The following NUB1 variants were observed in gnomAD, a reference collection of about 807,000 sequenced individuals.
NUB1 encodes the protein NEDD8 ultimate buster 1.
Under a neutral mutation model 77.1 loss-of-function variants are expected in NUB1, and 41 were observed. That is an observed-to-expected ratio of 0.53 (90% CI 0.41 to 0.69). NUB1 has a LOEUF of 0.69. Ranked by LOEUF, NUB1 falls within the 30% of genes least tolerant of loss-of-function variation. The pLI, the probability that NUB1 is intolerant of heterozygous loss-of-function variation, is 0.00. For synonymous variants in NUB1, 257 were observed against 281.0 expected (o/e 0.91, Z 0.85); for missense variants, 643 against 743.8 (o/e 0.86, Z 1.58).
In NUB1 at chr7:151,341,987, T is replaced by TGGGCCG. The variant is rs574226063; in HGVS notation, c.-3+162_-3+167dup. ...GGGGGTGAGCAGCCATGCGTGGAGCTGGGCCGGGGCCGGGGCCGGGGCCGG... is the reference window on the plus strand; with the variant it reads ...GGGGGTGAGCAGCCATGCGTGGAGCTGGGCCGGGGCCGGGGCCGGGGCCGGGGCCGG... On this transcript the variant is annotated intron_variant, in intron 1 of 14. Transcript: ENST00000568733. The TGGGCCG allele has an allele frequency of 2.0e-3, 2,525 of 1,284,932 alleles. 19 individuals are homozygous for TGGGCCG. Among genetic ancestry groups the TGGGCCG allele is most frequent in the African/African-American group, 0.014 (909 of 63,922 alleles). 79.6% of individuals were successfully genotyped at this position (1,284,932 alleles called of 1,614,324 possible). A position where few individuals can be genotyped will look rare whatever the true frequency, so the allele number is the denominator to read the frequency against.
chr7:151,365,069 C>G (rs1037434507), intron 8 of NUB1, among the ~76,000 whole-genome samples: 2 of 151,284 alleles, frequency 1.3e-5, no homozygotes, highest in African/African-American at 4.9e-5. Flanking sequence ...AGTGATTTTC[C>G]TGCCTCGGCC....
chr7:151,368,652 T>C (rs1212713559), intron 10 of NUB1, 83 bp from the exon 11 acceptor site: 2 of 1,431,166 alleles, frequency 1.4e-6, no homozygotes, highest in Non-Finnish European at 1.9e-6. Context: ...TTGGATACAA[T>C]CTAATTTCTT....
chr7:151,370,855 A>G (rs1265731132), intron 11 of NUB1, among the ~76,000 whole-genome samples: 1 of 152,120 alleles, frequency 6.6e-6, no homozygotes, highest in Non-Finnish European at 1.5e-5. Flanking sequence ...TAGCATCTGG[A>G]AAGCTAGTGT....
intron 13 of NUB1, chr7:151,376,176 T>C: frequency 1.9e-6 from 1 of 519,742 alleles, no homozygotes; most frequent in Non-Finnish European, 3.5e-6. Flanking sequence ...TCTTTAGGTT[T>C]GCTGCCTTTG....
chr7:151,376,382 C>T (rs1466274976), intron 13 of NUB1: 16 of 521,466 alleles, frequency 3.1e-5, no homozygotes, highest in Non-Finnish European at 5.5e-5. Context: ...GGTGTGGCGC[C>T]CTGCTCTCAG....
chr7:151,377,035 A>G lies in NUB1; in HGVS notation c.1670-12A>G, dbSNP rs1798329338. 3 of 1,531,558 alleles carry G rather than the reference A, an allele frequency of 2.0e-6. No individual in the cohort carries two copies. Among genetic ancestry groups the G allele is most frequent in the Non-Finnish European group, 2.6e-6 (3 of 1,139,424 alleles). The allele number at this position is 1,531,558 out of a possible 1,614,324, so 94.9% of individuals were successfully genotyped here. ...CACATAATTCACTTACTCCTGCGGT[A>G]TTTTATTGTAGGAACCTCTAGTGCC... On this transcript the variant is annotated splice_polypyrimidine_tract_variant and intron_variant, in intron 14 of 14. Transcript: ENST00000568733.
At chr7:151,343,831 G>T (rs1221519965) in intron 1 of NUB1, among the ~76,000 whole-genome samples, 3 of 152,046 alleles carry the variant, frequency 2.0e-5, no homozygotes, top group Non-Finnish European at 4.4e-5. Flanking sequence ...CCTGAGTCAT[G>T]GTACAAACTC....
At chr7:151,346,242 C>T (rs76551060) in intron 2 of NUB1, among the ~76,000 whole-genome samples, 3,064 of 152,334 alleles carry the variant, frequency 0.02, 55 homozygotes, top group Non-Finnish European at 0.029. Flanking sequence ...AGGCAGGCCT[C>T]ACTTTTTCTT....
At chr7:151,363,006 C>T (rs112322555) in intron 8 of NUB1, among the ~76,000 whole-genome samples, 14 of 152,346 alleles carry the variant, frequency 9.2e-5, no homozygotes, top group African/African-American at 3.4e-4. Flanking sequence ...AAAAGCTACT[C>T]CTGAACAGTA....
intron 8 of NUB1, among the ~76,000 whole-genome samples, chr7:151,361,982 A>G (rs991581079): frequency 6.6e-6 from 1 of 151,970 alleles, no homozygotes; most frequent in African/African-American, 2.4e-5. Context: ...ATAAAAATAA[A>G]AATTAGTATA....
At chr7:151,359,451 A>AAC in intron 7 of NUB1, among the ~76,000 whole-genome samples, 1 of 150,004 alleles carries the variant, frequency 6.7e-6, no homozygotes, top group African/African-American at 2.5e-5. Context: ...TCAAAAAAAA[A>AAC]AAAAGAATAG....
chr7:151,367,264 A>G (rs1431192153), intron 9 of NUB1, 139 bp downstream of exon 9: 1 of 668,824 alleles, frequency 1.5e-6, no homozygotes, highest in South Asian at 2.1e-5. Context: ...TTTAAACTAT[A>G]TATTTATAAA....
In NUB1 at chr7:151,374,227, T is replaced by G; in HGVS notation, c.1379T>G (p.Leu460Trp). ...QQVLHAASGNLDEALKILLSN... is the reference protein window; with the variant it reads ...QQVLHAASGNWDEALKILLSN... Reference sequence around the variant, plus strand: ...GTACTCCACGCAGCCAGCGGGAACTTGGATGAGGCCCTGAAGGTAGCAGCT... The same window carrying G: ...GTACTCCACGCAGCCAGCGGGAACTGGGATGAGGCCCTGAAGGTAGCAGCT... Residue 460 changes from leucine to tryptophan, a missense_variant, in exon 12 of 15, where the codon TTG becomes TGG. By Grantham distance (61) the Leu-to-Trp change is moderately conservative. Coordinates refer to ENST00000568733, the MANE Select transcript of NUB1 (RefSeq NM_001243351.2). 6.4e-7 allele frequency: 1 copy of G among 1,556,808 alleles called. No homozygotes were observed. Among genetic ancestry groups the G allele is most frequent in the Non-Finnish European group, 8.7e-7 (1 of 1,150,172 alleles).
intron 5 of NUB1, among the ~76,000 whole-genome samples, chr7:151,354,977 CAA>C (rs1796995573): frequency 6.6e-6 from 1 of 152,212 alleles, no homozygotes; most frequent in Non-Finnish European, 1.5e-5. Context: ...CTCCGGGGCT[CAA>C]GTGATCCACC....
chr7:151,377,138 TGACTC>T lies in NUB1; in HGVS notation c.1762_1766del (p.Asp588AsnfsTer5). On this transcript the variant is annotated frameshift_variant, in exon 15 of 15. Transcript: ENST00000568733. LOFTEE classifies it high-confidence loss of function. ...TTCCAGAGCATGAGGAAGACTATCTTGACTCAACTCTGGAAGATGAAGAAATTATT... is the reference window on the plus strand; with the variant it reads ...TTCCAGAGCATGAGGAAGACTATCTTAACTCTGGAAGATGAAGAAATTATT... 6.3e-7 allele frequency: 1 copy of T among 1,589,770 alleles called. No homozygotes were observed. The highest frequency in any genetic ancestry group is 8.6e-7 in the Non-Finnish European group (1 of 1,166,942).
chr7:151,376,056 TC>T, intron 13 of NUB1, 113 bp downstream of exon 13: 1 of 738,348 alleles, frequency 1.4e-6, no homozygotes, highest in African/African-American at 1.7e-5. Context: ...AAACCTTGGC[TC>T]CCAGGCTCCA....
Position 151,375,910 on chromosome 7 carries a change from TC to T in NUB1, c.1459del (p.Gln487LysfsTer26). The T allele has an allele frequency of 6.2e-7, 1 of 1,613,012 alleles. No homozygotes were observed. Among genetic ancestry groups the T allele is most frequent in the Non-Finnish European group, 8.5e-7 (1 of 1,179,028 alleles). On this transcript the variant is annotated frameshift_variant, in exon 13 of 15. Coordinates refer to ENST00000568733, the MANE Select transcript of NUB1 (RefSeq NM_001243351.2). LOFTEE classifies it high-confidence loss of function. ...NDSNPETDNR[Q>X]ESPSQENIDR... is the part of the protein sequence containing the mutation. ...ATTCCAATCCTGAAACCGACAACCG[TC>T]AAGAAAGTCCTTCCCAGGAAAACAT...
chr7:151,344,313 T>C (rs1796371113), intron 1 of NUB1, among the ~76,000 whole-genome samples: 1 of 150,740 alleles, frequency 6.6e-6, no homozygotes, highest in Non-Finnish European at 1.5e-5. Context: ...AATATTTATA[T>C]ATTTATTATT....
Position 151,377,121 on chromosome 7 carries a change from C to T in NUB1, c.1744C>T (p.His582Tyr). ...VNEILEDIPEHEEDYLDSTLE... is the reference protein window; with the variant it reads ...VNEILEDIPEYEEDYLDSTLE... ...TGAGATACTGGAAGACATTCCAGAGCATGAGGAAGACTATCTTGACTCAAC... is the reference window on the plus strand; with the variant it reads ...TGAGATACTGGAAGACATTCCAGAGTATGAGGAAGACTATCTTGACTCAAC... Residue 582 changes from histidine (H) to tyrosine (Y), a missense_variant, in exon 15 of 15, where the codon CAT becomes TAT. Coordinates refer to ENST00000568733, the MANE Select transcript of NUB1 (RefSeq NM_001243351.2). 1 of 1,586,614 alleles carries T rather than the reference C, an allele frequency of 6.3e-7. No individual in the cohort carries two copies. The highest frequency in any genetic ancestry group is 8.6e-7 in the Non-Finnish European group (1 of 1,165,184).
Sources: allele counts gnomAD v4.1 joint callset (sites outside exome capture counted in the v4.1 genomes callset), GRCh38; gene constraint gnomAD v4.1.1; transcripts MANE v1.5; gene names NCBI Gene and HGNC (gene_info 2026-07-23, HGNC 2026-07-21).